RANBP2: variants seen among roughly 807,000 people sequenced by gnomAD.
RANBP2 encodes the protein E3 SUMO-protein ligase RanBP2.
RANBP2 carries 57 observed loss-of-function variants against 303.6 expected under a neutral mutation model. The observed-to-expected ratio is 0.19, with a 90% CI of 0.15 to 0.23. The LOEUF (loss-of-function observed/expected upper bound fraction) is 0.23. RANBP2 is among the 10% of genes least tolerant of loss of function. RANBP2 has a pLI of 1.00. For missense variants in RANBP2, 3,138 were observed against 3,780.8 expected (o/e 0.83, Z 4.46); for synonymous variants, 1,167 against 1,301.5 (o/e 0.90, Z 2.23).
the RANBP2 span, among the ~76,000 whole-genome samples, chr2:109,139,159 A>G: frequency 6.6e-6 from 1 of 152,244 alleles, no homozygotes; most frequent in Non-Finnish European, 1.5e-5. Context: ...AAATCTGCGT[A>G]ACTTAAAAAT....
chr2:109,505,680 G>A, the RANBP2 span, among the ~76,000 whole-genome samples: 4 of 152,178 alleles, frequency 2.6e-5, no homozygotes, highest in African/African-American at 9.7e-5. Flanking sequence ...TGCTACGTGA[G>A]CAATCAAGGT....
the RANBP2 span, among the ~76,000 whole-genome samples, chr2:109,206,121 C>G: frequency 6.6e-6 from 1 of 152,158 alleles, no homozygotes; most frequent in African/African-American, 2.4e-5. Flanking sequence ...AGCCACCCCT[C>G]TCTCCCTGGA....
At chr2:109,669,786 G>T in the RANBP2 span, among the ~76,000 whole-genome samples, 2 of 152,180 alleles carry the variant, frequency 1.3e-5, no homozygotes, top group Non-Finnish European at 2.9e-5. Context: ...GCCACAGGAG[G>T]TGAGAACCTT....
the RANBP2 span, among the ~76,000 whole-genome samples, chr2:109,190,730 C>T: frequency 6.6e-6 from 1 of 152,018 alleles, no homozygotes; most frequent in East Asian, 1.9e-4. Context: ...TTGGGTGTCT[C>T]CCTTCTTTTC....
chr2:108,933,794 G>A, the RANBP2 span, among the ~76,000 whole-genome samples: 33 of 152,130 alleles, frequency 2.2e-4, no homozygotes, highest in Admixed American at 2.1e-3. Context: ...AGGCAAGGGC[G>A]ACCTGCAGCC....
the RANBP2 span, among the ~76,000 whole-genome samples, chr2:109,415,930 T>C: frequency 9.2e-5 from 14 of 152,078 alleles, no homozygotes; most frequent in Non-Finnish European, 1.3e-4. Flanking sequence ...TAATCACTCA[T>C]GGATTCCTGG....
chr2:109,697,855 A>G, the RANBP2 span, among the ~76,000 whole-genome samples: 1 of 146,472 alleles, frequency 6.8e-6, no homozygotes, highest in South Asian at 2.1e-4. Context: ...ATGTTAGTCT[A>G]AAGTTTTTTT....
chr2:109,603,624 T>C, the RANBP2 span, among the ~76,000 whole-genome samples: 1 of 152,128 alleles, frequency 6.6e-6, no homozygotes, highest in Non-Finnish European at 1.5e-5. Flanking sequence ...TAAATCAATA[T>C]CCTTGCAATT....
the RANBP2 span, among the ~76,000 whole-genome samples, chr2:109,022,622 G>A: frequency 6.6e-6 from 1 of 152,328 alleles, no homozygotes; most frequent in South Asian, 2.1e-4. Context: ...GGAGAGGGAA[G>A]AGGGATGAGA....
chr2:109,160,719 CT>C, the RANBP2 span, among the ~76,000 whole-genome samples: 1 of 152,324 alleles, frequency 6.6e-6, no homozygotes, highest in Admixed American at 6.5e-5. Context: ...CAGCCTGTCC[CT>C]GCTCCTACTC....
chr2:109,615,914 C>A, the RANBP2 span: 1 of 1,609,842 alleles, frequency 6.2e-7, no homozygotes, highest in East Asian at 2.2e-5. Context: ...TCAACAAAAT[C>A]CGATTCAGAA....
chr2:109,129,835 A>C, the RANBP2 span: 1 of 1,536,002 alleles, frequency 6.5e-7, no homozygotes, highest in Non-Finnish European at 8.7e-7. Flanking sequence ...CGAGTGCCGC[A>C]TCCTGGTGGG....
chr2:108,939,903 CT>C, the RANBP2 span, among the ~76,000 whole-genome samples: 1 of 152,194 alleles, frequency 6.6e-6, no homozygotes, highest in Non-Finnish European at 1.5e-5. Context: ...AAGTTGGCAC[CT>C]TAAAGTATTT....
the RANBP2 span, among the ~76,000 whole-genome samples, chr2:109,386,034 G>A: frequency 6.6e-6 from 1 of 152,194 alleles, no homozygotes; most frequent in Non-Finnish European, 1.5e-5. Context: ...ATCCAGCTGA[G>A]GGATGAGCTG....
chr2:108,833,979 C>T, the RANBP2 span, among the ~76,000 whole-genome samples: 1 of 137,086 alleles, frequency 7.3e-6, no homozygotes, highest in Admixed American at 8.4e-5. Context: ...ATCTCCTGAT[C>T]TCATGATCCG....
At chr2:109,087,069 C>T in the RANBP2 span, among the ~76,000 whole-genome samples, 2 of 152,174 alleles carry the variant, frequency 1.3e-5, no homozygotes, top group African/African-American at 2.4e-5. Context: ...ACAGGGGACC[C>T]CCTGAAGACA....
the RANBP2 span, among the ~76,000 whole-genome samples, chr2:109,442,749 G>C: frequency 6.6e-6 from 1 of 152,024 alleles, no homozygotes; most frequent in South Asian, 2.1e-4. Context: ...GAATAAAAAG[G>C]AATCATGAAA....
the RANBP2 span, among the ~76,000 whole-genome samples, chr2:109,081,479 A>G: frequency 6.6e-6 from 1 of 152,116 alleles, no homozygotes; most frequent in Admixed American, 6.5e-5. Context: ...GGCTGACTCA[A>G]TGCTGGGCTT....
the RANBP2 span, among the ~76,000 whole-genome samples, chr2:109,201,080 G>A: frequency 1.3e-5 from 2 of 152,192 alleles, no homozygotes; most frequent in Non-Finnish European, 2.9e-5. Flanking sequence ...CGTGCTCAGG[G>A]ACTCTCAGTT....
Sources: gnomAD v4.1 joint callset for allele counts (sites outside exome capture counted in the v4.1 genomes callset) on GRCh38, gnomAD v4.1.1 for gene constraint, MANE v1.5 for transcripts, NCBI Gene and HGNC (gene_info 2026-07-23, HGNC 2026-07-21) for gene names.